Variants in KAZN observed in about 807,000 individuals in gnomAD.
KAZN encodes the protein kazrin, periplakin interacting protein.
In KAZN, 40 loss-of-function variants were observed where a neutral mutation model predicts 87.4. The ratio of observed to expected loss-of-function variants is 0.46; its 90% CI spans 0.36 to 0.60. KAZN has a LOEUF of 0.60. Ranked by LOEUF, KAZN falls within the 20% of genes least tolerant of loss-of-function variation. The pLI is 0.00. For missense variants in KAZN, 898 were observed against 1,073.9 expected (o/e 0.84, Z 2.29); for synonymous variants, 466 against 458.3 (o/e 1.02, Z -0.22).
intron 1 of KAZN, among the ~76,000 whole-genome samples, chr1:14,728,205 G>C (rs1037802734): frequency 3.4e-5 from 5 of 146,664 alleles, no homozygotes; most frequent in East Asian, 4.2e-4. Context: ...AGAATCGCTT[G>C]AACTTGGGAG....
chr1:13,922,076 G>A (rs1365863098), intron 1 of KAZN, among the ~76,000 whole-genome samples: 1 of 152,160 alleles, frequency 6.6e-6, no homozygotes, highest in African/African-American at 2.4e-5. Context: ...ACTAGGGTCT[G>A]AATCTGATGT....
intron 1 of KAZN, among the ~76,000 whole-genome samples, chr1:14,155,918 G>T (rs1426266448): frequency 6.6e-6 from 1 of 152,110 alleles, no homozygotes; most frequent in East Asian, 1.9e-4. Context: ...CTAAAGTGCT[G>T]GGATTACAGG....
intron 1 of KAZN, among the ~76,000 whole-genome samples, chr1:14,834,808 T>TTACTAG (rs1647172391): frequency 1.3e-5 from 2 of 151,520 alleles, no homozygotes; most frequent in Non-Finnish European, 2.9e-5. Context: ...CCTAGGGGAA[T>TTACTAG]TATTAGTATT....
intron 1 of KAZN, among the ~76,000 whole-genome samples, chr1:14,732,759 C>T (rs1209111293): frequency 6.6e-6 from 1 of 151,990 alleles, no homozygotes; most frequent in African/African-American, 2.4e-5. Context: ...TTTGGCCCTA[C>T]CTATTTAGTA....
At chr1:14,201,577 G>T (rs1429364038) in intron 2 of KAZN, among the ~76,000 whole-genome samples, 2 of 152,182 alleles carry the variant, frequency 1.3e-5, no homozygotes, top group Non-Finnish European at 2.9e-5. Context: ...TGCAGACAAA[G>T]CCCCAGCATC....
intron 1 of KAZN, among the ~76,000 whole-genome samples, chr1:14,018,874 A>G (rs1402109282): frequency 2.6e-5 from 4 of 151,994 alleles, no homozygotes; most frequent in Non-Finnish European, 5.9e-5. Flanking sequence ...AGGCTTTAGG[A>G]CTTGAATTGA....
At chr1:14,480,488 G>A (rs1371389175) in intron 2 of KAZN, among the ~76,000 whole-genome samples, 1 of 151,118 alleles carries the variant, frequency 6.6e-6, no homozygotes, top group East Asian at 1.9e-4. Context: ...AGGGACGAGA[G>A]TTCTAAAAGG....
chr1:14,834,236 A>G (rs1383504084), intron 1 of KAZN, among the ~76,000 whole-genome samples: 2 of 151,376 alleles, frequency 1.3e-5, no homozygotes, highest in African/African-American at 2.4e-5. Flanking sequence ...GGGTTTCACC[A>G]TGTTGGCCAG....
chr1:14,968,994 T>G (rs752416234), intron 2 of KAZN, among the ~76,000 whole-genome samples: 10 of 152,186 alleles, frequency 6.6e-5, no homozygotes, highest in Non-Finnish European at 1.0e-4. Context: ...CCATAGGCAT[T>G]CCTGCTTCAA....
In KAZN at chr1:14,273,544, TA is replaced by T. The variant is rs571738985; in HGVS notation, c.249+92960del. Among the ~76,000 whole-genome samples the T allele has an allele frequency of 2.2e-3, 342 of 152,064 alleles. 1 individual carries two copies. The highest frequency in any genetic ancestry group is 7.5e-3 in the African/African-American group (311 of 41,486). ...GATAAAATGTTAGAAAATATACAGT[TA>T]AAAAAAATATACAGTTTATATTCAA... On this transcript the variant is annotated intron_variant, in intron 2 of 16. Coordinates refer to the KAZN transcript ENST00000636203.
At chr1:14,590,046 C>G (rs1473503983) in intron 2 of KAZN, among the ~76,000 whole-genome samples, 2 of 152,062 alleles carry the variant, frequency 1.3e-5, no homozygotes, top group African/African-American at 2.4e-5. Context: ...TGAGTTTCAT[C>G]TTATGAAACT....
intron 2 of KAZN, among the ~76,000 whole-genome samples, chr1:14,245,443 C>T (rs1649410178): frequency 6.6e-6 from 1 of 152,008 alleles, no homozygotes; most frequent in South Asian, 2.1e-4. Context: ...TTAGTGTGCT[C>T]GTATTATTCC....
At chr1:14,067,799 G>A (rs187941214) in intron 1 of KAZN, among the ~76,000 whole-genome samples, 247 of 152,308 alleles carry the variant, frequency 1.6e-3, no homozygotes, top group African/African-American at 5.5e-3. Context: ...GGGCACCCAC[G>A]ATGTCACTGG....
chr1:14,230,411 T>C (rs1407521569), intron 2 of KAZN, among the ~76,000 whole-genome samples: 1 of 152,168 alleles, frequency 6.6e-6, no homozygotes, highest in Non-Finnish European at 1.5e-5. Flanking sequence ...ACTCATAAGA[T>C]CCTTATGAGG....
In KAZN at chr1:14,201,895, C is replaced by T. The variant is rs188226443; in HGVS notation, c.249+21303C>T. 3.2e-3 allele frequency among the ~76,000 whole-genome samples: 481 copies of T among 152,240 alleles called. 4 individuals carry two copies. The South Asian group carries it at 0.035, about 11-fold the overall frequency. ...GTTGGTCAGGCTGGTCTCAAATTCC[C>T]GACCTCAGGTGATCCGCCTGCCTCG... On this transcript the variant is annotated intron_variant, in intron 2 of 16. Transcript: ENST00000636203.
intron 8 of KAZN, among the ~76,000 whole-genome samples, chr1:15,085,773 T>A (rs10803349): frequency 0.33 from 50,491 of 151,982 alleles, 10,489 homozygotes; most frequent in East Asian, 0.91. Flanking sequence ...AATTAGAAAG[T>A]CCAACTTATA....
intron 2 of KAZN, among the ~76,000 whole-genome samples, chr1:14,387,587 C>G (rs940181636): frequency 6.6e-6 from 1 of 152,172 alleles, no homozygotes; most frequent in African/African-American, 2.4e-5. Context: ...AGATGTCAGT[C>G]TGCCCCTGCT....
intron 2 of KAZN, among the ~76,000 whole-genome samples, chr1:14,975,319 A>G (rs1267135480): frequency 2.6e-4 from 39 of 152,324 alleles, no homozygotes. Flanking sequence ...CACCTGGCCC[A>G]GCTAGAGGCT....
intron 8 of KAZN, among the ~76,000 whole-genome samples, chr1:15,091,605 A>G (rs1185043835): frequency 6.6e-6 from 1 of 152,142 alleles, no homozygotes. Context: ...CTGCCTCCCA[A>G]AGTGCTGGGA....
Sources: allele counts gnomAD v4.1 joint callset (sites outside exome capture counted in the v4.1 genomes callset), GRCh38; gene constraint gnomAD v4.1.1; transcripts MANE v1.5; gene names NCBI Gene and HGNC (gene_info 2026-07-23, HGNC 2026-07-21).